The following PTCD2 variants were observed in gnomAD, a reference collection of about 807,000 sequenced individuals.
PTCD2 encodes the protein pentatricopeptide repeat-containing protein 2, mitochondrial.
A neutral mutation model predicts 42.6 loss-of-function variants in PTCD2; 31 were observed. The ratio of observed to expected loss-of-function variants is 0.73; its 90% CI spans 0.55 to 0.98. PTCD2 has a LOEUF of 0.98. PTCD2 is among the 50% of genes least tolerant of loss of function. The pLI is 0.00. For synonymous variants in PTCD2, 183 were observed against 170.9 expected (o/e 1.07, Z -0.55); for missense variants, 476 against 454.8 (o/e 1.05, Z -0.42).
At chr5:72,343,526 A>G (rs529748225) in intron 8 of PTCD2, among the ~76,000 whole-genome samples, 46 of 152,234 alleles carry the variant, frequency 3.0e-4, no homozygotes, top group African/African-American at 1.0e-3. Flanking sequence ...AATGTTATCT[A>G]TTGTCATTCT....
chr5:72,333,472 C>G (rs989612496), intron 4 of PTCD2, among the ~76,000 whole-genome samples: 3 of 152,058 alleles, frequency 2.0e-5, no homozygotes, highest in Non-Finnish European at 2.9e-5. Context: ...GGGTGTATAT[C>G]CTGTTTATCA....
chr5:72,341,598 G>T (rs1165614225), intron 7 of PTCD2, among the ~76,000 whole-genome samples: 1 of 151,966 alleles, frequency 6.6e-6, no homozygotes, highest in Admixed American at 6.6e-5. Flanking sequence ...TAAAACAGGT[G>T]CAGTAGTACC....
chr5:72,351,147 A>G (rs1752600784), intron 8 of PTCD2, among the ~76,000 whole-genome samples: 1 of 152,234 alleles, frequency 6.6e-6, no homozygotes, highest in South Asian at 2.1e-4. Flanking sequence ...CAGTGGTTGT[A>G]ACATTGGTTG....
At chr5:72,343,237 C>T (rs1166562090) in intron 8 of PTCD2, among the ~76,000 whole-genome samples, 1 of 152,320 alleles carries the variant, frequency 6.6e-6, no homozygotes, top group East Asian at 1.9e-4. Flanking sequence ...ACAGCTGTCG[C>T]TTCCAGGAGT....
At position 72,342,812 on chromosome 5, in the gene PTCD2, G is replaced by C. The variant is rs540791634; in HGVS notation, c.754-150G>C. 179 of 408,870 alleles carry C rather than the reference G, an allele frequency of 4.4e-4. 1 individual carries two copies. In the South Asian group the frequency reaches 9.1e-3, roughly 21 times the overall value. 25.3% of individuals were successfully genotyped at this position (408,870 alleles called of 1,614,324 possible). The stretch of plus-strand genomic sequence containing the variant: ...GACTGGATGGAGAATTTTATGGAAT[G>C]TTTAGTTTTGATTTCCGAAACATTT... On this transcript the variant is annotated intron_variant, in intron 7 of 9. Transcript: ENST00000380639.
In PTCD2 at chr5:72,363,178, G is replaced by C. The variant is rs1753130827; in HGVS notation, c.*4751G>C. 6.6e-6 allele frequency: 1 copy of C among 152,180 alleles called. No homozygotes were observed. The highest frequency in any genetic ancestry group is 1.5e-5 in the Non-Finnish European group (1 of 68,052). The allele number at this position is 152,180 out of a possible 1,614,324, so 9.4% of individuals were successfully genotyped here. A position where few individuals can be genotyped will look rare whatever the true frequency, so the allele number is the denominator to read the frequency against. ...TATTTTAGTCTTTGATTTCTTTGAGGTAAATGTTCAATCTTTTTGCGTATC... is the reference window on the plus strand; with the variant it reads ...TATTTTAGTCTTTGATTTCTTTGAGCTAAATGTTCAATCTTTTTGCGTATC... On this transcript the variant is annotated 3_prime_UTR_variant, in exon 10 of 10. Coordinates refer to ENST00000380639, the MANE Select transcript of PTCD2 (RefSeq NM_024754.5).
At chr5:72,347,231 C>A (rs534630778) in intron 8 of PTCD2, among the ~76,000 whole-genome samples, 1 of 152,200 alleles carries the variant, frequency 6.6e-6, no homozygotes, top group African/African-American at 2.4e-5. Context: ...GAAAAAGGTG[C>A]GTCTCTTTTA....
chr5:72,346,890 G>A (rs966341334), intron 8 of PTCD2, among the ~76,000 whole-genome samples: 6 of 152,154 alleles, frequency 3.9e-5, no homozygotes, highest in African/African-American at 1.2e-4. Flanking sequence ...GAGAAAAGGG[G>A]GAGAAGTGTT....
rs1753029249 is a variant in PTCD2 at position 72,359,144 on chromosome 5, T to A, written c.*717T>A. 6.6e-6 allele frequency: 1 copy of A among 152,260 alleles called. No homozygotes were observed. The highest frequency in any genetic ancestry group is 2.4e-5 in the African/African-American group (1 of 41,456). 9.4% of individuals were successfully genotyped at this position (152,260 alleles called of 1,614,324 possible). A position where few individuals can be genotyped will look rare whatever the true frequency, so the allele number is the denominator to read the frequency against. ...AAATGACTACTGCTTTGTTCATGGG[T>A]AAGCCATGTGCTTTTCAAAATAAGT... On this transcript the variant is annotated 3_prime_UTR_variant, in exon 10 of 10. Transcript: ENST00000380639.
intron 7 of PTCD2, among the ~76,000 whole-genome samples, chr5:72,340,217 TCTTTTGAC>T (rs1371910518): frequency 6.6e-6 from 1 of 152,224 alleles, no homozygotes; most frequent in African/African-American, 2.4e-5. Context: ...ATTATTTAAT[TCTTTTGAC>T]AAGACCTGTT....
At chr5:72,343,066 G>T (rs1279847684) in intron 8 of PTCD2, 30 bp downstream of exon 8, 2 of 1,239,244 alleles carry the variant, frequency 1.6e-6, no homozygotes, top group Non-Finnish European at 2.3e-6. Context: ...TTTAAGGTAA[G>T]CCTTGAAATG....
chr5:72,324,613 G>C (rs554314446), intron 2 of PTCD2, among the ~76,000 whole-genome samples: 33 of 152,260 alleles, frequency 2.2e-4, no homozygotes, highest in Non-Finnish European at 2.9e-5. Context: ...TAATAGTAAA[G>C]GTTGTAACAG....
chr5:72,341,026 A>G (rs1308798887), intron 7 of PTCD2, among the ~76,000 whole-genome samples: 1 of 149,490 alleles, frequency 6.7e-6, no homozygotes, highest in Non-Finnish European at 1.5e-5. Context: ...ATGGAGTGGC[A>G]CGATTTCGGC....
At chr5:72,357,442 G>A (rs919436959) in intron 9 of PTCD2, among the ~76,000 whole-genome samples, 3 of 152,002 alleles carry the variant, frequency 2.0e-5, no homozygotes, top group Non-Finnish European at 4.4e-5. Flanking sequence ...CTATGGTGTG[G>A]GCCTCCAGAA....
Position 72,335,801 on chromosome 5 carries a change from G to C in PTCD2, c.555G>C (p.Leu185Phe), listed in dbSNP as rs756334722. Reference sequence around the variant, plus strand: ...ACTCTTCACTTTTGGCAGGTGCTTTGCAAGTATTGATAGAGATGAAAAACC... The same window carrying C: ...ACTCTTCACTTTTGGCAGGTGCTTTCCAAGTATTGATAGAGATGAAAAACC... ...LFIKGKYKSA[L>F]QVLIEMKNQD... is the part of the protein sequence containing the mutation. Residue 185 changes from leucine (L) to phenylalanine (F), a missense_variant, in exon 6 of 10, where the codon TTG becomes TTC. Coordinates refer to ENST00000380639, the MANE Select transcript of PTCD2 (RefSeq NM_024754.5). 5 of 1,612,638 alleles carry C rather than the reference G, an allele frequency of 3.1e-6. No homozygotes were observed. The highest frequency in any genetic ancestry group is 4.5e-5 in the East Asian group (2 of 44,862).
At chr5:72,333,708 A>G (rs1751564442) in intron 4 of PTCD2, among the ~76,000 whole-genome samples, 1 of 152,234 alleles carries the variant, frequency 6.6e-6, no homozygotes, top group South Asian at 2.1e-4. Context: ...ATAGTTAATG[A>G]CAATGTATTG....
rs1751709868 is a variant in PTCD2 at position 72,335,835 on chromosome 5, A to G, written c.589A>G (p.Lys197Glu). The change falls in exon 6 of 10, where the codon AAG (lysine) becomes GAG (glutamate). Residue 197 changes from lysine to glutamate, a missense_variant. Coordinates refer to ENST00000380639, the MANE Select transcript of PTCD2 (RefSeq NM_024754.5). Reference protein sequence around the residue: ...VLIEMKNQDVKFTKDTYVLAF... With the variant: ...VLIEMKNQDVEFTKDTYVLAF... ...GATAGAGATGAAAAACCAAGATGTG[A>G]AGTTCACCAAAGATACCTATGTTCT... The G allele has an allele frequency of 1.2e-6, 2 of 1,613,948 alleles. No individual in the cohort carries two copies. Among genetic ancestry groups the G allele is most frequent in the African/African-American group, 1.3e-5 (1 of 75,030 alleles).
At chr5:72,355,587 T>C (rs1249805978) in intron 9 of PTCD2, among the ~76,000 whole-genome samples, 2 of 152,090 alleles carry the variant, frequency 1.3e-5, no homozygotes, top group African/African-American at 4.8e-5. Flanking sequence ...GAAAAAACAG[T>C]TCCTAAAAAT....
chr5:72,332,838 C>G (rs1166850870), intron 4 of PTCD2, among the ~76,000 whole-genome samples: 2 of 151,996 alleles, frequency 1.3e-5, no homozygotes, highest in Non-Finnish European at 2.9e-5. Flanking sequence ...GTGGCTAACT[C>G]AAATTTACAT....
Sources: allele counts gnomAD v4.1 joint callset (sites outside exome capture counted in the v4.1 genomes callset), GRCh38; gene constraint gnomAD v4.1.1; transcripts MANE v1.5; gene names NCBI Gene and HGNC (gene_info 2026-07-23, HGNC 2026-07-21).